CTNNA2: variants seen among roughly 807,000 people sequenced by gnomAD.
CTNNA2 encodes catenin alpha-2.
Under a neutral mutation model 101.0 loss-of-function variants are expected in CTNNA2, and 42 were observed. The observed-to-expected ratio is 0.42, with a 90% CI of 0.32 to 0.54. The LOEUF (loss-of-function observed/expected upper bound fraction) is 0.54. Among genes scored for constraint, CTNNA2 ranks in the 20% least tolerant of loss-of-function variants. CTNNA2 has a pLI of 0.14. For missense variants in CTNNA2, 871 were observed against 1,223.1 expected, an observed-to-expected ratio of 0.71 and a Z score of 4.29; for synonymous variants, 450 against 456.4, an observed-to-expected ratio of 0.99 and a Z score of 0.18.
At chr2:80,331,515 C>T (rs982845990) in intron 7 of CTNNA2, among the ~76,000 whole-genome samples, 4 of 151,962 alleles carry the variant, frequency 2.6e-5, no homozygotes, top group Non-Finnish European at 5.9e-5. Flanking sequence ...TTGGAGAGGA[C>T]CATAATTGCT....
chr2:79,863,201 G>A (rs1681762368), intron 4 of CTNNA2, among the ~76,000 whole-genome samples: 1 of 150,962 alleles, frequency 6.6e-6, no homozygotes, highest in Admixed American at 6.6e-5. Flanking sequence ...TCAGTCATGT[G>A]CATATCTCTG....
chr2:80,372,845 A>G (rs1054438753), intron 7 of CTNNA2, among the ~76,000 whole-genome samples: 6 of 152,158 alleles, frequency 3.9e-5, no homozygotes, highest in African/African-American at 1.4e-4. Context: ...CTTCCCCAGG[A>G]TACTTAGCAA....
chr2:79,433,616 C>A (rs1160973181), intron 4 of CTNNA2, among the ~76,000 whole-genome samples: 4 of 116,006 alleles, frequency 3.4e-5, no homozygotes, highest in Admixed American at 9.5e-5. Flanking sequence ...TCACTGTATG[C>A]CTTTGAGGAA....
At chr2:80,395,250 C>G (rs1362402067) in intron 8 of CTNNA2, among the ~76,000 whole-genome samples, 1 of 152,032 alleles carries the variant, frequency 6.6e-6, no homozygotes, top group Non-Finnish European at 1.5e-5. Flanking sequence ...TGAAGTTATT[C>G]CATGTATGTT....
At chr2:79,522,272 T>C (rs1573235149) in intron 1 of CTNNA2, among the ~76,000 whole-genome samples, 1 of 152,302 alleles carries the variant, frequency 6.6e-6, no homozygotes, top group Non-Finnish European at 1.5e-5. Context: ...CGCTCCATCT[T>C]CAAACAGATC....
chr2:80,478,808 T>C (rs183529598), intron 9 of CTNNA2, among the ~76,000 whole-genome samples: 41 of 152,130 alleles, frequency 2.7e-4, no homozygotes, highest in Non-Finnish European at 5.0e-4. Flanking sequence ...AATTAGGTGA[T>C]ACTGTGATGC....
intron 3 of CTNNA2, among the ~76,000 whole-genome samples, chr2:79,817,072 C>T (rs1677565635): frequency 6.6e-6 from 1 of 151,696 alleles, no homozygotes; most frequent in Admixed American, 6.6e-5. Flanking sequence ...TTTTAGGATA[C>T]ATGTGCCCAA....
chr2:79,274,998 G>A (rs1675175774), intron 2 of CTNNA2, among the ~76,000 whole-genome samples: 1 of 151,964 alleles, frequency 6.6e-6, no homozygotes, highest in African/African-American at 2.4e-5. Flanking sequence ...CTATGCTCTG[G>A]GAACCCACCC....
chr2:80,242,284 AACTCTTGCTGTTTG>A (rs1472304316), intron 7 of CTNNA2, among the ~76,000 whole-genome samples: 1 of 152,200 alleles, frequency 6.6e-6, no homozygotes, highest in Non-Finnish European at 1.5e-5. Flanking sequence ...ACTGTGGCAT[AACTCTTGCTGTTTG>A]CACAACCTGA....
At chr2:80,561,961 C>G (rs1368428279) in intron 12 of CTNNA2, among the ~76,000 whole-genome samples, 4 of 151,702 alleles carry the variant, frequency 2.6e-5, no homozygotes, top group Non-Finnish European at 5.9e-5. Context: ...CAGGCATGAG[C>G]CACCGCGCCT....
chr2:79,513,560 G>C (rs2103832978), intron 1 of CTNNA2, among the ~76,000 whole-genome samples: 2 of 152,178 alleles, frequency 1.3e-5, no homozygotes, highest in South Asian at 4.1e-4. Flanking sequence ...TGCTACAACT[G>C]TCCGGATTCA....
intron 2 of CTNNA2, among the ~76,000 whole-genome samples, chr2:79,724,276 AC>A (rs530345586): frequency 1.0e-3 from 157 of 151,750 alleles, no homozygotes; most frequent in African/African-American, 3.6e-3. Flanking sequence ...TGGGAAAAAA[AC>A]AATACAAAAC....
At chr2:79,282,061 T>C (rs896475374) in intron 2 of CTNNA2, among the ~76,000 whole-genome samples, 1 of 152,166 alleles carries the variant, frequency 6.6e-6, no homozygotes, top group Non-Finnish European at 1.5e-5. Context: ...CATCTAATTT[T>C]TTAGGTTGAT....
chr2:79,643,829 G>C (rs951826804), intron 1 of CTNNA2, among the ~76,000 whole-genome samples: 6 of 152,034 alleles, frequency 3.9e-5, no homozygotes, highest in African/African-American at 1.4e-4. Flanking sequence ...TTTCTTTGCT[G>C]ACTTTCAGCT....
intron 7 of CTNNA2, among the ~76,000 whole-genome samples, chr2:79,935,863 G>C (rs866226938): frequency 6.6e-6 from 1 of 152,050 alleles, no homozygotes; most frequent in Non-Finnish European, 1.5e-5. Flanking sequence ...CCCTTTTTAG[G>C]TTTATTTACC....
chr2:79,840,817 T>C (rs1188794061), intron 3 of CTNNA2, among the ~76,000 whole-genome samples: 1 of 151,074 alleles, frequency 6.6e-6, no homozygotes, highest in African/African-American at 2.4e-5. Flanking sequence ...CAGGCCGGAC[T>C]GCAGTGGCGT....
intron 1 of CTNNA2, chr2:79,633,959 G>A (rs1679856012): frequency 6.6e-6 from 1 of 152,184 alleles, no homozygotes. Context: ...TATAGAATTT[G>A]ATTTATAAGA....
At chr2:80,131,132 A>G (rs1702394033) in intron 7 of CTNNA2, among the ~76,000 whole-genome samples, 1 of 152,020 alleles carries the variant, frequency 6.6e-6, no homozygotes, top group Admixed American at 6.6e-5. Context: ...ATCTCCACTC[A>G]CTGTAACCTC....
chr2:80,484,788 C>A lies in CTNNA2; in HGVS notation c.1291-60194C>A, dbSNP rs527291225. ...TTGGGAGGCCAAGGCGGGCGGATCA[C>A]TAGGTCCGGAGATCGAGACCATCCT... On this transcript the variant is annotated intron_variant, in intron 9 of 18. Transcript: ENST00000402739. Among the ~76,000 whole-genome samples the A allele has an allele frequency of 4.6e-5, 7 of 152,308 alleles. No individual in the cohort carries two copies. In the South Asian group the frequency reaches 1.4e-3, roughly 32 times the overall value.
Sources: gnomAD v4.1 joint callset for allele counts (sites outside exome capture counted in the v4.1 genomes callset) on GRCh38, gnomAD v4.1.1 for gene constraint, MANE v1.5 for transcripts, NCBI Gene and HGNC (gene_info 2026-07-23, HGNC 2026-07-21) for gene names.